ERAP2: variants seen among roughly 807,000 people sequenced by gnomAD.
ERAP2 encodes the protein endoplasmic reticulum aminopeptidase 2, also known as leukocyte-derived arginine aminopeptidase.
Under a neutral mutation model 111.1 loss-of-function variants are expected in ERAP2, and 118 were observed. The observed-to-expected ratio is 1.06, with a 90% CI of 0.92 to 1.24. The LOEUF is 1.24. Ranked by LOEUF, ERAP2 falls within the 50% of genes most tolerant of loss-of-function variation. ERAP2 has a pLI of 0.00. For synonymous variants in ERAP2, 410 were observed against 401.2 expected (o/e 1.02, Z -0.26); for missense variants, 1,131 against 1,125.8 (o/e 1.00, Z -0.07).
chr5:96,917,676 A>C lies in ERAP2; in HGVS notation c.*71A>C. 1 of 1,292,230 alleles carries C rather than the reference A, an allele frequency of 7.7e-7. No individual in the cohort carries two copies. The highest frequency in any genetic ancestry group is 1.4e-5 in the South Asian group (1 of 73,822). 80.0% of individuals were successfully genotyped at this position (1,292,230 alleles called of 1,614,324 possible). ...AATCCCAGCACTTTGGGAGGCTGAG[A>C]AGGGCGGATCACGAGGTCAGGAGAT... is the stretch of plus-strand genomic sequence containing the variant. On this transcript the variant is annotated 3_prime_UTR_variant, in exon 19 of 19. Coordinates refer to ENST00000437043, the MANE Select transcript of ERAP2 (RefSeq NM_022350.5).
At chr5:96,899,257 A>T (rs1785191752) in intron 9 of ERAP2, among the ~76,000 whole-genome samples, 1 of 152,146 alleles carries the variant, frequency 6.6e-6, no homozygotes, top group African/African-American at 2.4e-5. Flanking sequence ...TTATTCAATT[A>T]TATCACAGCT....
At chr5:96,902,172 G>C in intron 11 of ERAP2, 102 bp from the exon 12 acceptor site, 1 of 735,738 alleles carries the variant, frequency 1.4e-6, no homozygotes, top group Non-Finnish European at 2.4e-6. Context: ...TATGAAGGAT[G>C]ATGGGTACTT....
intron 5 of ERAP2, among the ~76,000 whole-genome samples, chr5:96,891,357 G>GTA (rs1483020972): frequency 4.7e-5 from 5 of 106,368 alleles, no homozygotes; most frequent in Admixed American, 1.1e-4. Flanking sequence ...ATATGTGTGT[G>GTA]TATATATATA....
At chr5:96,896,249 C>A in intron 7 of ERAP2, 124 bp from the exon 8 acceptor site, 2 of 716,900 alleles carry the variant, frequency 2.8e-6, no homozygotes, top group East Asian at 3.0e-5. Context: ...AGAAAAGAAA[C>A]ATCTCCCAAG....
chr5:96,889,388 A>T, intron 5 of ERAP2, 83 bp downstream of exon 5: 4 of 1,466,990 alleles, frequency 2.7e-6, no homozygotes, highest in Non-Finnish European at 3.8e-6. Flanking sequence ...TTTCTATGTG[A>T]TTTAAATGAG....
chr5:96,911,291 T>G (rs949009289), intron 15 of ERAP2, among the ~76,000 whole-genome samples: 1 of 152,208 alleles, frequency 6.6e-6, no homozygotes, highest in Non-Finnish European at 1.5e-5. Context: ...AAATGCAAAT[T>G]TCTGGCTCCC....
Position 96,912,678 on chromosome 5 carries a change from C to G in ERAP2, c.2396C>G (p.Ala799Gly), listed in dbSNP as rs1365893483. Residue 799 changes from alanine (A) to glycine (G), a missense_variant, in exon 16 of 19, where the codon GCT becomes GGT. Physicochemically the swap from Ala to Gly is moderately conservative, Grantham distance 60. Transcript: ENST00000437043. ...TTAAAGATTGTGTATTCTGTGGGTG[C>G]TCAGACAACAGCAGGATGGAATTAC... is the stretch of plus-strand genomic sequence containing the variant. ...DVLKIVYSVG[A>G]QTTAGWNYLL... 6.2e-7 allele frequency: 1 copy of G among 1,610,500 alleles called. No individual in the cohort carries two copies. Among genetic ancestry groups the G allele is most frequent in the East Asian group, 2.2e-5 (1 of 44,476 alleles).
intron 4 of ERAP2, among the ~76,000 whole-genome samples, chr5:96,888,832 T>A (rs1784032990): frequency 6.6e-6 from 1 of 152,178 alleles, no homozygotes; most frequent in African/African-American, 2.4e-5. Context: ...GTGGTCATCA[T>A]TTTGGAAAGC....
Position 96,883,897 on chromosome 5 carries a change from G to C in ERAP2, c.681G>C (p.Glu227Asp), listed in dbSNP as rs771424061. The change falls in exon 3 of 19, where the codon GAG becomes GAC. Residue 227 changes from glutamate (E) to aspartate (D), a missense_variant. This residue lies in a region of ERAP2 where 847 missense variants were observed against 856.5 expected (regional missense o/e 0.99). Coordinates refer to ENST00000437043, the MANE Select transcript of ERAP2 (RefSeq NM_022350.5). ...KANFSIKIRR[E>D]SRHIALSNMP... Reference sequence around the variant, plus strand: ...ACTTTTCAATCAAGATACGAAGAGAGAGCAGGCATATTGCACTATCCAACA... The same window carrying C: ...ACTTTTCAATCAAGATACGAAGAGACAGCAGGCATATTGCACTATCCAACA... 3.1e-6 allele frequency: 5 copies of C among 1,613,448 alleles called. No homozygotes were observed. Among genetic ancestry groups the C allele is most frequent in the Admixed American group, 3.3e-5 (2 of 59,926 alleles).
chr5:96,876,684 A>ATTCT (rs1267598054), intron 1 of ERAP2, among the ~76,000 whole-genome samples, 157 bp downstream of exon 1: 1 of 152,144 alleles, frequency 6.6e-6, no homozygotes, highest in Non-Finnish European at 1.5e-5. Flanking sequence ...TGTATTAGAA[A>ATTCT]GTGTATGCAG....
intron 9 of ERAP2, among the ~76,000 whole-genome samples, chr5:96,899,014 G>A (rs1785161685): frequency 6.6e-6 from 1 of 152,082 alleles, no homozygotes; most frequent in Non-Finnish European, 1.5e-5. Flanking sequence ...GCAGTAGAGG[G>A]TGGGAGTTAA....
intron 7 of ERAP2, among the ~76,000 whole-genome samples, chr5:96,896,140 A>G (rs927414803): frequency 3.3e-5 from 5 of 152,306 alleles, no homozygotes; most frequent in African/African-American, 1.2e-4. Context: ...CATGATAAAC[A>G]TTCAGGCAAT....
intron 4 of ERAP2, 119 bp from the exon 5 acceptor site, chr5:96,889,066 G>C: frequency 2.5e-6 from 3 of 1,186,974 alleles, no homozygotes; most frequent in Non-Finnish European, 3.6e-6. Flanking sequence ...CATGCTTAAT[G>C]GTATCTTAAT....
chr5:96,911,783 G>A (rs1191721748), intron 15 of ERAP2, among the ~76,000 whole-genome samples: 1 of 150,706 alleles, frequency 6.6e-6, no homozygotes, highest in African/African-American at 2.5e-5. Context: ...TGAGGCAAGA[G>A]GATTGTGCAG....
At chr5:96,884,466 A>G (rs1267675413) in intron 3 of ERAP2, among the ~76,000 whole-genome samples, 1 of 151,770 alleles carries the variant, frequency 6.6e-6, no homozygotes, top group East Asian at 2.0e-4. Context: ...CTAGAAGTCT[A>G]TGATGGAACT....
At chr5:96,913,501 G>A in intron 17 of ERAP2, 44 bp downstream of exon 17, 2 of 1,605,296 alleles carry the variant, frequency 1.2e-6, no homozygotes, top group Non-Finnish European at 1.7e-6. Context: ...CCATGCAGAT[G>A]TCTCAGTTGC....
intron 4 of ERAP2, among the ~76,000 whole-genome samples, chr5:96,888,900 G>A (rs1487929298): frequency 2.6e-5 from 4 of 152,176 alleles, no homozygotes; most frequent in Non-Finnish European, 5.9e-5. Context: ...TCCTCTCTAT[G>A]ATATACTTGG....
chr5:96,901,391 G>T (rs774910664), intron 10 of ERAP2, 115 bp from the exon 11 acceptor site: 5 of 1,148,278 alleles, frequency 4.4e-6, no homozygotes, highest in African/African-American at 1.5e-5. Context: ...ATACCAGTCC[G>T]AGTCTTCTGT....
At chr5:96,882,396 C>T (rs1198626635) in intron 2 of ERAP2, among the ~76,000 whole-genome samples, 2 of 152,144 alleles carry the variant, frequency 1.3e-5, no homozygotes, top group African/African-American at 2.4e-5. Context: ...CCTGATGCTC[C>T]TTATGGTTAA....
Sources: gnomAD v4.1 joint callset for allele counts (sites outside exome capture counted in the v4.1 genomes callset) on GRCh38, gnomAD v4.1.1 for gene constraint, gnomAD v4.1.1 regional missense constraint, MANE v1.5 for transcripts, NCBI Gene and HGNC (gene_info 2026-07-23, HGNC 2026-07-21) for gene names.